The following CNTN5 variants were observed in gnomAD, a reference collection of about 807,000 sequenced individuals.
CNTN5 encodes contactin 5.
CNTN5 carries 77 observed loss-of-function variants against 129.1 expected under a neutral mutation model. The ratio of observed to expected loss-of-function variants is 0.60; its 90% CI spans 0.50 to 0.72. The LOEUF is 0.72. CNTN5 is among the 30% of genes least tolerant of loss of function. The pLI is 0.00. For missense variants in CNTN5, 1,478 were observed against 1,328.8 expected (o/e 1.11, Z -1.75); for synonymous variants, 509 against 465.6 (o/e 1.09, Z -1.20).
At chr11:99,266,090 A>C (rs921228707) in intron 1 of CNTN5, among the ~76,000 whole-genome samples, 1 of 152,046 alleles carries the variant, frequency 6.6e-6, no homozygotes, top group African/African-American at 2.4e-5. Context: ...TAAGTTCAGA[A>C]AGGAAATGGT....
chr11:99,097,985 GA>G (rs973505665), intron 1 of CNTN5, among the ~76,000 whole-genome samples: 2 of 151,370 alleles, frequency 1.3e-5, no homozygotes, highest in Non-Finnish European at 3.0e-5. Context: ...ATTTCTGAGC[GA>G]AAAAAAACTA....
intron 8 of CNTN5, among the ~76,000 whole-genome samples, chr11:99,966,497 T>C (rs553396840): frequency 1.3e-5 from 2 of 152,304 alleles, no homozygotes; most frequent in African/African-American, 4.8e-5. Context: ...AATGGTCACC[T>C]TGGAGGGTGT....
intron 3 of CNTN5, among the ~76,000 whole-genome samples, chr11:99,797,073 C>T (rs934830488): frequency 1.3e-5 from 2 of 152,026 alleles, no homozygotes; most frequent in Non-Finnish European, 2.9e-5. Context: ...GTCCTGGGCC[C>T]TTGGTGGCAG....
chr11:100,212,246 A>C (rs542890205), intron 15 of CNTN5, among the ~76,000 whole-genome samples: 1 of 152,218 alleles, frequency 6.6e-6, no homozygotes, highest in African/African-American at 2.4e-5. Flanking sequence ...TATAGCTCTA[A>C]TGCATTCTTT....
At chr11:99,395,553 C>T (rs111628789) in intron 2 of CNTN5, among the ~76,000 whole-genome samples, 1 of 151,846 alleles carries the variant, frequency 6.6e-6, no homozygotes, top group South Asian at 2.1e-4. Flanking sequence ...TCATTAGATC[C>T]TATTAGTCAA....
chr11:99,386,902 C>CAA (rs56184625), intron 2 of CNTN5, among the ~76,000 whole-genome samples: 6 of 151,850 alleles, frequency 4.0e-5, no homozygotes, highest in Non-Finnish European at 5.9e-5. Flanking sequence ...GCCATTTAAA[C>CAA]AAAAAAACTT....
At chr11:99,180,180 TTGATATAATAAGCAAA>T (rs1449232318) in intron 1 of CNTN5, among the ~76,000 whole-genome samples, 2 of 152,084 alleles carry the variant, frequency 1.3e-5, no homozygotes, top group Non-Finnish European at 2.9e-5. Flanking sequence ...AATAAGCAGA[TTGATATAATAAGCAAA>T]TGATATAATA....
intron 1 of CNTN5, among the ~76,000 whole-genome samples, chr11:99,244,473 T>C (rs967283773): frequency 2.0e-5 from 3 of 152,188 alleles, no homozygotes; most frequent in Non-Finnish European, 4.4e-5. Flanking sequence ...AACCAATGAA[T>C]TATTATTATA....
rs185787466 is a variant in CNTN5, at chr11:100,173,849, G to C, written c.1581-17277G>C. ...ACAGAAGTTACATAAGTAAGACGCT[G>C]GTCCCTTGCCTGCTCATTCTGTCCT... On this transcript the variant is annotated intron_variant, in intron 13 of 24. Transcript: ENST00000524871. Among the ~76,000 whole-genome samples the C allele has an allele frequency of 1.8e-3, 277 of 152,198 alleles. 1 individual carries two copies. Among genetic ancestry groups the C allele is most frequent in the African/African-American group, 6.4e-3 (266 of 41,552 alleles).
chr11:99,161,991 G>A (rs1860632561), intron 1 of CNTN5, among the ~76,000 whole-genome samples: 3 of 152,016 alleles, frequency 2.0e-5, no homozygotes, highest in African/African-American at 7.3e-5. Context: ...ATCCCTCTTT[G>A]TGCTTATCTT....
chr11:99,130,949 G>A (rs1462342956), intron 1 of CNTN5, among the ~76,000 whole-genome samples: 1 of 152,090 alleles, frequency 6.6e-6, no homozygotes, highest in African/African-American at 2.4e-5. Context: ...TCTCTGGGAA[G>A]CAGCTAAAGC....
At chr11:99,710,821 G>A (rs1281510880) in intron 3 of CNTN5, among the ~76,000 whole-genome samples, 1 of 151,814 alleles carries the variant, frequency 6.6e-6, no homozygotes, top group African/African-American at 2.4e-5. Flanking sequence ...TAATAATTTT[G>A]AATAGTTATA....
intron 4 of CNTN5, among the ~76,000 whole-genome samples, chr11:99,841,557 C>T (rs897078286): frequency 2.7e-5 from 4 of 149,256 alleles, no homozygotes; most frequent in African/African-American, 9.9e-5. Context: ...AATGTTAGCA[C>T]ATAAGTATAA....
chr11:99,415,604 T>C (rs1208517881), intron 2 of CNTN5, among the ~76,000 whole-genome samples: 1 of 152,154 alleles, frequency 6.6e-6, no homozygotes, highest in African/African-American at 2.4e-5. Context: ...TGACTCACAT[T>C]GTGGGTGGGG....
At chr11:99,815,942 T>C (rs948299067) in intron 3 of CNTN5, among the ~76,000 whole-genome samples, 1 of 152,054 alleles carries the variant, frequency 6.6e-6, no homozygotes, top group African/African-American at 2.4e-5. Flanking sequence ...ATTTCTTCAA[T>C]TCCCTCCCTC....
At chr11:99,472,250 C>T (rs1340412315) in intron 2 of CNTN5, among the ~76,000 whole-genome samples, 1 of 152,128 alleles carries the variant, frequency 6.6e-6, no homozygotes, top group Non-Finnish European at 1.5e-5. Context: ...GCTGGCTCAT[C>T]ATTTTCCAGG....
At chr11:99,901,226 G>A (rs570846456) in intron 6 of CNTN5, among the ~76,000 whole-genome samples, 2 of 152,112 alleles carry the variant, frequency 1.3e-5, no homozygotes, top group South Asian at 2.1e-4. Flanking sequence ...TAAATGTTTT[G>A]GGTGAGATGA....
intron 1 of CNTN5, among the ~76,000 whole-genome samples, chr11:99,279,915 C>T (rs534026842): frequency 3.3e-5 from 5 of 151,098 alleles, no homozygotes; most frequent in South Asian, 2.1e-4. Context: ...TAAATGTCTG[C>T]GTCATGGGGA....
rs548670198 is a variant in CNTN5 at position 99,642,883 on chromosome 11, A to T, written c.55+86614A>T. On this transcript the variant is annotated intron_variant, in intron 3 of 24. Transcript: ENST00000524871. ...TGCTTGACTTATTTCACTTACCATA[A>T]TGTCCTCTAGGTTCATCCATGTTGT... 1.1e-4 allele frequency among the ~76,000 whole-genome samples: 17 copies of T among 152,268 alleles called. 1 individual carries two copies. In the South Asian group the frequency reaches 3.3e-3, roughly 30 times the overall value.
Sources: allele counts gnomAD v4.1 joint callset (sites outside exome capture counted in the v4.1 genomes callset), GRCh38; gene constraint gnomAD v4.1.1; transcripts MANE v1.5; gene names NCBI Gene and HGNC (gene_info 2026-07-23, HGNC 2026-07-21).